The following TCF12 variants were observed in gnomAD, a reference collection of about 807,000 sequenced individuals.
TCF12 encodes transcription factor 12.
In TCF12, 45 loss-of-function variants were observed where a neutral mutation model predicts 86.0. The observed-to-expected ratio is 0.52, with a 90% CI of 0.41 to 0.67. The LOEUF (loss-of-function observed/expected upper bound fraction) is 0.67. TCF12 is among the 30% of genes least tolerant of loss of function. The pLI is 0.00. For missense variants in TCF12, 881 were observed against 859.9 expected, an observed-to-expected ratio of 1.02 and a Z score of -0.31; for synonymous variants, 330 against 299.6, an observed-to-expected ratio of 1.10 and a Z score of -1.05.
chr15:56,965,836 A>G (rs2061978276), intron 3 of TCF12, among the ~76,000 whole-genome samples: 2 of 152,232 alleles, frequency 1.3e-5, no homozygotes, highest in Admixed American at 6.5e-5. Flanking sequence ...TTGATGGTTA[A>G]TAATTAACAT....
chr15:57,192,373 G>GT, intron 7 of TCF12, 80 bp downstream of exon 7: 1 of 1,455,188 alleles, frequency 6.9e-7, no homozygotes. Context: ...TTCTGGCTAT[G>GT]CTTTTTTTTT....
At chr15:57,253,750 T>G (rs964577484) in intron 16 of TCF12, among the ~76,000 whole-genome samples, 4 of 152,210 alleles carry the variant, frequency 2.6e-5, no homozygotes, top group African/African-American at 4.8e-5. Flanking sequence ...GTTTTTGCCT[T>G]GAAATAGTGC....
intron 16 of TCF12, among the ~76,000 whole-genome samples, chr15:57,257,438 T>C (rs2060394141): frequency 1.3e-5 from 2 of 152,058 alleles, no homozygotes; most frequent in Admixed American, 1.3e-4. Context: ...CTCGATGGAT[T>C]GCTAGAAGCA....
At chr15:56,970,622 A>G (rs1772261810) in intron 3 of TCF12, among the ~76,000 whole-genome samples, 1 of 152,144 alleles carries the variant, frequency 6.6e-6, no homozygotes, top group South Asian at 2.1e-4. Context: ...CTGTGTAAGG[A>G]GAGTTTTTCT....
chr15:57,166,336 C>A, intron 5 of TCF12, 66 bp from the exon 6 acceptor site: 1 of 1,297,082 alleles, frequency 7.7e-7, no homozygotes, highest in Non-Finnish European at 1.1e-6. Context: ...CATGAATAGT[C>A]TAGCAGTTTG....
At chr15:57,005,031 C>G (rs1345855466) in intron 3 of TCF12, among the ~76,000 whole-genome samples, 2 of 152,102 alleles carry the variant, frequency 1.3e-5, no homozygotes, top group Non-Finnish European at 2.9e-5. Flanking sequence ...GGGAGAGATA[C>G]CAGCCAAATA....
intron 12 of TCF12, among the ~76,000 whole-genome samples, chr15:57,239,798 G>A (rs574638890): frequency 3.9e-5 from 6 of 152,232 alleles, no homozygotes; most frequent in Non-Finnish European, 8.8e-5. Flanking sequence ...AACCTAAATA[G>A]AAGAGTAGAG....
intron 5 of TCF12, among the ~76,000 whole-genome samples, chr15:57,138,655 T>C (rs886462099): frequency 6.6e-6 from 1 of 152,248 alleles, no homozygotes; most frequent in African/African-American, 2.4e-5. Flanking sequence ...TAAAATCACT[T>C]ATTCTCAAAA....
chr15:56,990,065 T>C (rs528637494), intron 3 of TCF12, among the ~76,000 whole-genome samples: 1 of 152,016 alleles, frequency 6.6e-6, no homozygotes, highest in Non-Finnish European at 1.5e-5. Context: ...AAAATTGTAT[T>C]AATACCTTAA....
At chr15:57,067,516 G>A (rs2068988143) in intron 4 of TCF12, among the ~76,000 whole-genome samples, 1 of 138,040 alleles carries the variant, frequency 7.2e-6, no homozygotes, top group Admixed American at 7.3e-5. Context: ...TCCAGCCTGG[G>A]CGACAGAGCG....
In TCF12 at chr15:57,272,913, G is replaced by C. The variant is rs1305152281; in HGVS notation, c.1746-117G>C. The C allele has an allele frequency of 6.1e-6, 6 of 977,150 alleles. No homozygotes were observed. The East Asian group carries it at 1.0e-4, about 17-fold the overall frequency. 60.5% of individuals were successfully genotyped at this position (977,150 alleles called of 1,614,324 possible). A position where few individuals can be genotyped will look rare whatever the true frequency, so the allele number is the denominator to read the frequency against. The stretch of plus-strand genomic sequence containing the variant: ...CATGTTAACTGCACCTATTACAACT[G>C]TTTACAAGATTTATAGGTGGTTTTC... On this transcript the variant is annotated intron_variant, in intron 18 of 20. Transcript: ENST00000333725.
At chr15:57,220,664 A>G (rs1566935842) in intron 8 of TCF12, among the ~76,000 whole-genome samples, 1 of 150,954 alleles carries the variant, frequency 6.6e-6, no homozygotes, top group Non-Finnish European at 1.5e-5. Context: ...TGTTTCTACA[A>G]AAAAATCTAT....
At chr15:57,189,620 T>C (rs1261159045) in intron 6 of TCF12, among the ~76,000 whole-genome samples, 2 of 152,228 alleles carry the variant, frequency 1.3e-5, no homozygotes, top group East Asian at 1.9e-4. Context: ...ATTGGAACCC[T>C]TGCACATTGC....
At chr15:57,088,306 T>G (rs1211133503) in intron 4 of TCF12, among the ~76,000 whole-genome samples, 2 of 152,286 alleles carry the variant, frequency 1.3e-5, no homozygotes, top group East Asian at 3.9e-4. Context: ...CATTTTCCCC[T>G]TTTGCTCTAT....
chr15:56,951,117 C>T (rs2061255161), intron 3 of TCF12, among the ~76,000 whole-genome samples: 1 of 152,140 alleles, frequency 6.6e-6, no homozygotes, highest in African/African-American at 2.4e-5. Flanking sequence ...ATATCTTCAA[C>T]TCACTAAGAA....
intron 7 of TCF12, among the ~76,000 whole-genome samples, chr15:57,195,028 G>A (rs914384412): frequency 4.6e-5 from 7 of 152,016 alleles, no homozygotes; most frequent in Admixed American, 3.3e-4. Context: ...TCAGCCTCCC[G>A]AGTAGCTGAG....
At chr15:57,140,668 C>T (rs191363538) in intron 5 of TCF12, among the ~76,000 whole-genome samples, 9 of 152,196 alleles carry the variant, frequency 5.9e-5, no homozygotes, top group African/African-American at 1.7e-4. Flanking sequence ...ACATAGTGGG[C>T]TAAGCCTTTG....
intron 5 of TCF12, among the ~76,000 whole-genome samples, chr15:57,141,629 G>A (rs555607062): frequency 9.8e-5 from 15 of 152,318 alleles, no homozygotes; most frequent in African/African-American, 2.4e-4. Context: ...GATTACAGGC[G>A]TGAGCCACTG....
chr15:57,140,717 A>C (rs2052900687), intron 5 of TCF12, among the ~76,000 whole-genome samples: 2 of 152,218 alleles, frequency 1.3e-5, no homozygotes, highest in Non-Finnish European at 2.9e-5. Context: ...TATGAGATAT[A>C]AACAAAATTA....
Sources: gnomAD v4.1 joint callset for allele counts (sites outside exome capture counted in the v4.1 genomes callset) on GRCh38, gnomAD v4.1.1 for gene constraint, MANE v1.5 for transcripts, NCBI Gene and HGNC (gene_info 2026-07-23, HGNC 2026-07-21) for gene names.